Variants in FAT4 observed in about 807,000 individuals in gnomAD.
The protein encoded by FAT4 is FAT atypical cadherin 4, also known as protocadherin Fat 4.
A neutral mutation model predicts 303.9 loss-of-function variants in FAT4; 84 were observed. That is an observed-to-expected ratio of 0.28 (90% CI 0.23 to 0.33). The LOEUF is 0.33. Among genes scored for constraint, FAT4 ranks in the 10% least tolerant of loss-of-function variants. The pLI is 1.00. For synonymous variants in FAT4, 2,307 were observed against 2,298.8 expected, an observed-to-expected ratio of 1.00 and a Z score of -0.10; for missense variants, 6,005 against 6,146.8, an observed-to-expected ratio of 0.98 and a Z score of 0.77.
intron 12 of FAT4, among the ~76,000 whole-genome samples, chr4:125,472,819 T>C (rs1250373563): frequency 6.6e-6 from 1 of 152,192 alleles, no homozygotes; most frequent in Non-Finnish European, 1.5e-5. Context: ...GGGTAGCTGC[T>C]CAGACATGTC....
At chr4:125,354,417 T>C (rs1732349428) in intron 2 of FAT4, among the ~76,000 whole-genome samples, 1 of 151,772 alleles carries the variant, frequency 6.6e-6, no homozygotes, top group African/African-American at 2.4e-5. Context: ...ATTATACACA[T>C]TGAATCTTTT....
At position 125,450,808 on chromosome 4, in the gene FAT4, C is replaced by T. The variant is rs769948581; in HGVS notation, c.9798C>T (p.Tyr3266=). The T allele has an allele frequency of 1.9e-6, 3 of 1,613,978 alleles. No individual in the cohort carries two copies. Among genetic ancestry groups the T allele is most frequent in the East Asian group, 2.2e-5 (1 of 44,864 alleles). ...GFLDFETKQS[Y]HLTVKAFNVP... is the part of the protein sequence containing the mutation. ...TGGATTTTGAAACCAAGCAGAGCTA[C>T]CATCTTACTGTGAAAGCCTTCAATG... Residue 3266 remains tyrosine, a synonymous_variant, in exon 10 of 18, where the codon TAC becomes TAT. Coordinates refer to ENST00000394329, the MANE Select transcript of FAT4 (RefSeq NM_001291303.3).
chr4:125,359,149 G>T (rs1299380479), intron 2 of FAT4, among the ~76,000 whole-genome samples: 1 of 152,076 alleles, frequency 6.6e-6, no homozygotes, highest in African/African-American at 2.4e-5. Context: ...TCATCACATA[G>T]TAGCACATTT....
At chr4:125,478,571 G>A (rs1485445604) in intron 14 of FAT4, among the ~76,000 whole-genome samples, 8 of 152,002 alleles carry the variant, frequency 5.3e-5, no homozygotes, top group East Asian at 3.9e-4. Context: ...TTGTTCTGTC[G>A]CCCAGGCTGG....
chr4:125,483,611 G>A (rs1727302303), intron 16 of FAT4, among the ~76,000 whole-genome samples: 2 of 152,036 alleles, frequency 1.3e-5, no homozygotes, highest in Non-Finnish European at 2.9e-5. Context: ...TTGTTAGCTT[G>A]GTAGCAATAA....
chr4:125,417,780 G>A (rs2126030064), intron 7 of FAT4, among the ~76,000 whole-genome samples: 1 of 152,260 alleles, frequency 6.6e-6, no homozygotes, highest in South Asian at 2.1e-4. Context: ...TTGTTTCAAA[G>A]CACAGCTCTC....
intron 2 of FAT4, among the ~76,000 whole-genome samples, chr4:125,356,079 G>A (rs1464794367): frequency 6.6e-6 from 1 of 151,908 alleles, no homozygotes; most frequent in African/African-American, 2.4e-5. Context: ...TCGTCTGCAT[G>A]CATCACTTTG....
chr4:125,448,786 A>G lies in FAT4; in HGVS notation c.7776A>G (p.Thr2592=). Reference sequence around the variant, plus strand: ...TCAGCTCTCTTGTCACCACCATCACAGGATCCTCTTTAAGAGGAGAACCTA... The same window carrying G: ...TCAGCTCTCTTGTCACCACCATCACGGGATCCTCTTTAAGAGGAGAACCTA... ...QPVSSLVTTI[T]GSSLRGEPMS... is the part of the protein sequence containing the mutation. Residue 2592 remains threonine, a synonymous_variant, in exon 10 of 18, where the codon ACA becomes ACG. Coordinates refer to ENST00000394329, the MANE Select transcript of FAT4 (RefSeq NM_001291303.3). 1 of 1,611,412 alleles carries G rather than the reference A, an allele frequency of 6.2e-7. No homozygotes were observed. The highest frequency in any genetic ancestry group is 8.5e-7 in the Non-Finnish European group (1 of 1,179,846).
Position 125,452,222 on chromosome 4 carries a change from A to G in FAT4, c.11212A>G (p.Ile3738Val), listed in dbSNP as rs1161046080. 1.9e-6 allele frequency: 3 copies of G among 1,614,074 alleles called. No individual in the cohort carries two copies. Among genetic ancestry groups the G allele is most frequent in the Non-Finnish European group, 2.5e-6 (3 of 1,180,048 alleles). ...CAACCACTATCTTCATTTTTTACGCATTGCCAGCTCACAGCTGACAGGCTT... is the reference window on the plus strand; with the variant it reads ...CAACCACTATCTTCATTTTTTACGCGTTGCCAGCTCACAGCTGACAGGCTT... ...LTNHYLHFLRIASSQLTGLGT... is the reference protein window; with the variant it reads ...LTNHYLHFLRVASSQLTGLGT... The change falls in exon 10 of 18, where the codon ATT (isoleucine) becomes GTT (valine). Residue 3738 changes from isoleucine (I) to valine (V), a missense_variant. By Grantham distance (29) the Ile-to-Val change is conservative (BLOSUM62 3). Transcript: ENST00000394329.
In FAT4 at chr4:125,318,844, T is replaced by C. The variant is rs1220024801; in HGVS notation, c.2433T>C (p.His811=). Residue 811 remains histidine (H), a synonymous_variant, in exon 2 of 18, where the codon CAT becomes CAC. Coordinates refer to ENST00000394329, the MANE Select transcript of FAT4 (RefSeq NM_001291303.3). ...VVFENVALGY[H]VGSVSASTMD... ...TTGAGAACGTGGCGCTGGGATATCA[T>C]GTGGGTAGTGTGTCTGCATCCACCA... 6.2e-7 allele frequency: 1 copy of C among 1,614,144 alleles called. No individual in the cohort carries two copies. The highest frequency in any genetic ancestry group is 8.5e-7 in the Non-Finnish European group (1 of 1,180,014).
chr4:125,485,179 A>G (rs1323021586), intron 16 of FAT4, among the ~76,000 whole-genome samples: 1 of 152,148 alleles, frequency 6.6e-6, no homozygotes, highest in Non-Finnish European at 1.5e-5. Flanking sequence ...ACTTCTGCAG[A>G]CTTTATAAAC....
chr4:125,490,116 T>A lies in FAT4; in HGVS notation c.13300T>A (p.Ser4434Thr). 1 of 1,614,050 alleles carries A rather than the reference T, an allele frequency of 6.2e-7. No homozygotes were observed. Among genetic ancestry groups the A allele is most frequent in the Non-Finnish European group, 8.5e-7 (1 of 1,180,022 alleles). ...GTGTGTCCCTCCTGGGGACTGTGCC[T>A]CCCACCCGTGCCAGAATGGTGGCAG... is the stretch of plus-strand genomic sequence containing the variant. ...YRCVPPGDCA[S>T]HPCQNGGSCE... Residue 4434 changes from serine (S) to threonine (T), a missense_variant, in exon 18 of 18, where the codon TCC becomes ACC. Ser to Thr is a moderately conservative substitution (Grantham distance 58). Coordinates refer to ENST00000394329, the MANE Select transcript of FAT4 (RefSeq NM_001291303.3).
Position 125,315,863 on chromosome 4 carries a change from A to G in FAT4, c.-127A>G, listed in dbSNP as rs1216198505. On this transcript the variant is annotated 5_prime_UTR_variant, in exon 1 of 18. Transcript: ENST00000394329. The stretch of plus-strand genomic sequence containing the variant: ...GAGGAGTGGGGACTCCAGGAATTCC[A>G]TCGCCTCCAGCTTTTGGGAAAGAAA... Among the ~76,000 whole-genome samples, 5 of 152,120 alleles carry G rather than the reference A, an allele frequency of 3.3e-5. No homozygotes were observed. The highest frequency in any genetic ancestry group is 7.4e-5 in the Non-Finnish European group (5 of 68,012).
chr4:125,461,263 A>C (rs1404640318), intron 10 of FAT4, among the ~76,000 whole-genome samples: 15 of 152,078 alleles, frequency 9.9e-5, no homozygotes, highest in Non-Finnish European at 1.8e-4. Context: ...CACAAAAAGA[A>C]CAACACGTAA....
intron 14 of FAT4, among the ~76,000 whole-genome samples, chr4:125,479,365 A>G (rs1330449694): frequency 6.6e-6 from 1 of 152,168 alleles, no homozygotes; most frequent in African/African-American, 2.4e-5. Context: ...TAGGCATTCA[A>G]TAAACATTAG....
intron 2 of FAT4, among the ~76,000 whole-genome samples, chr4:125,380,185 G>T (rs1462538151): frequency 6.6e-6 from 1 of 152,124 alleles, no homozygotes; most frequent in Non-Finnish European, 1.5e-5. Context: ...GAGCCACCGC[G>T]CCTGGTGTTC....
chr4:125,353,546 A>G (rs1420982703), intron 2 of FAT4, among the ~76,000 whole-genome samples: 1 of 151,646 alleles, frequency 6.6e-6, no homozygotes, highest in Non-Finnish European at 1.5e-5. Flanking sequence ...TTAGAGCTTG[A>G]TATTATCTTT....
At chr4:125,390,599 T>G (rs2126006249) in intron 2 of FAT4, among the ~76,000 whole-genome samples, 1 of 152,322 alleles carries the variant, frequency 6.6e-6, no homozygotes, top group African/African-American at 2.4e-5. Context: ...TGCTTAATTT[T>G]AGTAGTACCT....
intron 2 of FAT4, among the ~76,000 whole-genome samples, chr4:125,356,709 C>A (rs1462004093): frequency 6.7e-6 from 1 of 149,306 alleles, no homozygotes; most frequent in Non-Finnish European, 1.5e-5. Flanking sequence ...ATAGTCTTTA[C>A]AATGCACATC....
Sources: allele counts gnomAD v4.1 joint callset (sites outside exome capture counted in the v4.1 genomes callset), GRCh38; gene constraint gnomAD v4.1.1; transcripts MANE v1.5; gene names NCBI Gene and HGNC (gene_info 2026-07-23, HGNC 2026-07-21).